HTRA1: variants seen among roughly 807,000 people sequenced by gnomAD.
HTRA1 encodes serine protease HTRA1.
A neutral mutation model predicts 49.7 loss-of-function variants in HTRA1; 26 were observed. The ratio of observed to expected loss-of-function variants is 0.52; its 90% CI spans 0.38 to 0.73. The LOEUF (loss-of-function observed/expected upper bound fraction) is 0.73. Ranked by LOEUF, HTRA1 falls within the 30% of genes least tolerant of loss-of-function variation. HTRA1 has a pLI of 0.00. For missense variants in HTRA1, 561 were observed against 667.2 expected, an observed-to-expected ratio of 0.84 and a Z score of 1.75; for synonymous variants, 291 against 286.9, an observed-to-expected ratio of 1.01 and a Z score of -0.14.
intron 1 of HTRA1, among the ~76,000 whole-genome samples, chr10:122,486,237 A>C (rs1055443295): frequency 6.6e-6 from 1 of 152,182 alleles, no homozygotes; most frequent in African/African-American, 2.4e-5. Flanking sequence ...CAGTTTCCCC[A>C]TATATAATAT....
At chr10:122,499,311 A>G (rs1467103259) in intron 3 of HTRA1, among the ~76,000 whole-genome samples, 1 of 152,184 alleles carries the variant, frequency 6.6e-6, no homozygotes, top group Non-Finnish European at 1.5e-5. Context: ...ACTGTCCCAT[A>G]AATAACCACA....
chr10:122,476,359 C>A (rs1241785751), intron 1 of HTRA1, among the ~76,000 whole-genome samples: 2 of 152,148 alleles, frequency 1.3e-5, no homozygotes, highest in African/African-American at 4.8e-5. Flanking sequence ...GAATGTGGAC[C>A]AGCCCCTCTC....
intron 1 of HTRA1, among the ~76,000 whole-genome samples, chr10:122,474,890 T>G (rs776210637): frequency 2.0e-5 from 3 of 152,206 alleles, no homozygotes; most frequent in Non-Finnish European, 4.4e-5. Context: ...ACACAATTTT[T>G]TTTTTCTTTG....
chr10:122,462,956 ACT>A (rs969508282), intron 1 of HTRA1, among the ~76,000 whole-genome samples: 3 of 152,152 alleles, frequency 2.0e-5, no homozygotes, highest in African/African-American at 4.8e-5. Context: ...GCAATGTCTA[ACT>A]CTCTCGCGGG....
chr10:122,512,078 CG>C lies in HTRA1; in HGVS notation c.1274+14del. The stretch of plus-strand genomic sequence containing the variant: ...CCCCAGCAGAAGCGTGAGTTGGAGT[CG>C]TTTTCTCTTTTCCCAATATTCTTGT... On this transcript the variant is annotated intron_variant, in intron 8 of 8. Transcript: ENST00000368984. 1.9e-6 allele frequency: 3 copies of C among 1,567,348 alleles called. No individual in the cohort carries two copies. Among genetic ancestry groups the C allele is most frequent in the South Asian group, 1.1e-5 (1 of 90,112 alleles).
At chr10:122,511,765 A>AT (rs2097505745) in intron 7 of HTRA1, among the ~76,000 whole-genome samples, 1 of 135,156 alleles carries the variant, frequency 7.4e-6, no homozygotes, top group Non-Finnish European at 1.7e-5. Flanking sequence ...AAAATAAATA[A>AT]ATAATAAAGC....
At chr10:122,477,340 C>T (rs148426939) in intron 1 of HTRA1, among the ~76,000 whole-genome samples, 3,760 of 152,226 alleles carry the variant, frequency 0.025, 56 homozygotes, top group Non-Finnish European at 0.036. Context: ...GCCCCTCAGA[C>T]GGCTAAAGAT....
Position 122,494,372 on chromosome 10 carries a change from C to T in HTRA1, c.777+4746C>T, listed in dbSNP as rs1035475927. Among the ~76,000 whole-genome samples the T allele has an allele frequency of 1.3e-5, 2 of 152,134 alleles. No individual in the cohort carries two copies. The highest frequency in any genetic ancestry group is 2.9e-5 in the Non-Finnish European group (2 of 68,016). ...GGGAAGGCACCCGGGGCTCCTGCAT[C>T]GAGCTTCCCTCCTATATTCAATGAG... On this transcript the variant is annotated intron_variant, in intron 3 of 8. Coordinates refer to ENST00000368984, the MANE Select transcript of HTRA1 (RefSeq NM_002775.5). The surrounding 1 kb of genome is among the most constrained non-coding windows in gnomAD (Gnocchi z 4.0).
intron 3 of HTRA1, among the ~76,000 whole-genome samples, chr10:122,501,669 C>A (rs1371522084): frequency 6.6e-6 from 1 of 152,080 alleles, no homozygotes; most frequent in Non-Finnish European, 1.5e-5. Context: ...GTGCTGAGGT[C>A]GCTGCTTGAT....
At chr10:122,480,648 C>G (rs1032318614) in intron 1 of HTRA1, among the ~76,000 whole-genome samples, 1 of 152,090 alleles carries the variant, frequency 6.6e-6, no homozygotes. Context: ...GGCGTGAGTG[C>G]CCCTCATGCT....
intron 3 of HTRA1, among the ~76,000 whole-genome samples, chr10:122,497,519 G>C (rs529291467): frequency 2.8e-4 from 42 of 152,184 alleles, no homozygotes; most frequent in African/African-American, 1.0e-3. Context: ...GCTGTGTGCT[G>C]TTCGCTGGGC....
At chr10:122,468,950 A>T (rs189070228) in intron 1 of HTRA1, among the ~76,000 whole-genome samples, 128 of 152,344 alleles carry the variant, frequency 8.4e-4, no homozygotes, top group East Asian at 3.9e-4. Flanking sequence ...TTTAGATTCC[A>T]GGACAAATTG....
intron 8 of HTRA1, 124 bp from the exon 9 acceptor site, chr10:122,514,067 G>T: frequency 1.0e-6 from 1 of 962,462 alleles, no homozygotes; most frequent in Non-Finnish European, 1.7e-6. Flanking sequence ...TTCTAAGTTC[G>T]CCACCGTCCA....
intron 2 of HTRA1, 38 bp from the exon 3 acceptor site, chr10:122,489,384 G>T: frequency 6.3e-7 from 1 of 1,577,112 alleles, no homozygotes; most frequent in Non-Finnish European, 8.7e-7. Context: ...TCATTTTAAG[G>T]TGCTACAGGC....
intron 3 of HTRA1, among the ~76,000 whole-genome samples, chr10:122,495,894 CTGT>C (rs1390626425): frequency 6.6e-6 from 1 of 152,190 alleles, no homozygotes; most frequent in East Asian, 1.9e-4. Context: ...AGCTGGCCCT[CTGT>C]TGTTGTAAAT....
chr10:122,501,278 C>A (rs1415549633), intron 3 of HTRA1, among the ~76,000 whole-genome samples: 1 of 152,188 alleles, frequency 6.6e-6, no homozygotes, highest in African/African-American at 2.4e-5. Context: ...GCTCCCATCA[C>A]CTGAACCTGC....
intron 1 of HTRA1, among the ~76,000 whole-genome samples, chr10:122,485,552 A>AG (rs2097492734): frequency 6.6e-6 from 1 of 152,194 alleles, no homozygotes; most frequent in Non-Finnish European, 1.5e-5. Flanking sequence ...GAGGAAATGG[A>AG]GGCTGCTCAG....
intron 3 of HTRA1, among the ~76,000 whole-genome samples, chr10:122,493,547 G>C (rs1370509042): frequency 1.3e-5 from 2 of 152,156 alleles, no homozygotes; most frequent in Non-Finnish European, 2.9e-5. Context: ...GGGACAGGGA[G>C]AGAGAAAAGT....
intron 1 of HTRA1, among the ~76,000 whole-genome samples, chr10:122,470,997 G>C (rs12252027): frequency 6.6e-6 from 1 of 151,988 alleles, no homozygotes; most frequent in Non-Finnish European, 1.5e-5. Context: ...GGGCAGATGC[G>C]TTGGTCCAGA....
Sources: gnomAD v4.1 joint callset for allele counts (sites outside exome capture counted in the v4.1 genomes callset) on GRCh38, gnomAD v4.1.1 for gene constraint, Gnocchi (gnomAD v3.1) non-coding constraint, MANE v1.5 for transcripts, NCBI Gene and HGNC (gene_info 2026-07-23, HGNC 2026-07-21) for gene names.